The following DPP6 variants were observed in gnomAD, a reference collection of about 807,000 sequenced individuals.
DPP6 encodes dipeptidyl peptidase like 6.
A neutral mutation model predicts 122.6 loss-of-function variants in DPP6; 69 were observed. That is an observed-to-expected ratio of 0.56 (90% CI 0.46 to 0.69). The LOEUF (loss-of-function observed/expected upper bound fraction) is 0.69, where lower values mean the gene tolerates loss of function less well. Among genes scored for constraint, DPP6 ranks in the 30% least tolerant of loss-of-function variants. The pLI is 0.00. For missense variants in DPP6, 928 were observed against 1,116.9 expected (o/e 0.83, Z 2.41); for synonymous variants, 418 against 433.1 (o/e 0.97, Z 0.43).
intron 1 of DPP6, among the ~76,000 whole-genome samples, chr7:154,047,177 A>C (rs2129059887): frequency 6.6e-6 from 1 of 151,140 alleles, no homozygotes; most frequent in South Asian, 2.1e-4. Flanking sequence ...GGCTGACCAT[A>C]CCGCAAGCAG....
At chr7:153,988,624 G>A (rs1796966218) in intron 1 of DPP6, among the ~76,000 whole-genome samples, 1 of 152,350 alleles carries the variant, frequency 6.6e-6, no homozygotes, top group South Asian at 2.1e-4. Context: ...TCCCACTGAG[G>A]AAGCTCAGAG....
At chr7:154,340,100 G>T (rs1809795273) in intron 1 of DPP6, among the ~76,000 whole-genome samples, 2 of 152,012 alleles carry the variant, frequency 1.3e-5, no homozygotes, top group African/African-American at 4.8e-5. Flanking sequence ...TAATGTGGTT[G>T]ACCATTAGAA....
At chr7:154,176,183 T>G (rs1448416271) in intron 1 of DPP6, among the ~76,000 whole-genome samples, 7 of 152,206 alleles carry the variant, frequency 4.6e-5, no homozygotes, top group Middle Eastern at 6.3e-3. Flanking sequence ...GGATTCTGAG[T>G]CCCTGCTCCT....
chr7:154,214,886 G>T (rs1436274988), intron 1 of DPP6, among the ~76,000 whole-genome samples: 1 of 152,204 alleles, frequency 6.6e-6, no homozygotes, highest in African/African-American at 2.4e-5. Flanking sequence ...CTGCTGCACT[G>T]TAGCCTGGGT....
intron 1 of DPP6, among the ~76,000 whole-genome samples, chr7:154,040,208 G>A (rs1434005592): frequency 4.3e-5 from 6 of 141,098 alleles, no homozygotes; most frequent in Non-Finnish European, 8.9e-5. Context: ...CAAAGATAGA[G>A]GTGCTATCAC....
Position 154,536,614 on chromosome 7 carries a change from C to T in DPP6, c.458-3918C>T, listed in dbSNP as rs1011103554. Among the ~76,000 whole-genome samples the T allele has an allele frequency of 5.9e-5, 9 of 152,152 alleles. No individual in the cohort carries two copies. The East Asian group carries it at 1.7e-3, about 29-fold the overall frequency. On this transcript the variant is annotated intron_variant, in intron 3 of 25. Coordinates refer to ENST00000377770, the MANE Select transcript of DPP6 (RefSeq NM_130797.4). ...GGCTGAATCTGACACATATAATAAACAGCAAAATCCTAAGGAACACCAAAC... is the reference window on the plus strand; with the variant it reads ...GGCTGAATCTGACACATATAATAAATAGCAAAATCCTAAGGAACACCAAAC...
At chr7:154,156,990 G>T (rs1796716163) in intron 1 of DPP6, among the ~76,000 whole-genome samples, 2 of 152,266 alleles carry the variant, frequency 1.3e-5, no homozygotes, top group Admixed American at 1.3e-4. Context: ...GGGAAGAACA[G>T]GTTAGCTTTA....
chr7:153,892,209 A>G (rs539065171), intron 1 of DPP6, among the ~76,000 whole-genome samples: 65 of 152,364 alleles, frequency 4.3e-4, no homozygotes, highest in African/African-American at 1.6e-3. Context: ...ATAAAGCAGA[A>G]TGGCATTCCA....
At chr7:153,862,110 G>A in the DPP6 span, among the ~76,000 whole-genome samples, 4 of 152,214 alleles carry the variant, frequency 2.6e-5, no homozygotes, top group African/African-American at 9.7e-5. Context: ...GAGGCAACAT[G>A]TGGCTCCATT....
intron 1 of DPP6, among the ~76,000 whole-genome samples, chr7:154,311,564 G>A (rs1246698184): frequency 6.6e-6 from 1 of 152,082 alleles, no homozygotes; most frequent in Non-Finnish European, 1.5e-5. Flanking sequence ...CTGTTTGTTG[G>A]TGCAATTCTG....
intron 1 of DPP6, among the ~76,000 whole-genome samples, chr7:154,174,843 A>G (rs774601368): frequency 3.4e-5 from 5 of 149,040 alleles, no homozygotes; most frequent in Non-Finnish European, 7.4e-5. Context: ...TTATCTCATC[A>G]TAATTTCTTC....
chr7:153,798,536 G>A, the DPP6 span, among the ~76,000 whole-genome samples: 3 of 152,098 alleles, frequency 2.0e-5, no homozygotes, highest in African/African-American at 7.2e-5. Flanking sequence ...GGGATGTGGA[G>A]GACCCCTAAG....
At chr7:154,258,558 G>A (rs1802806488) in intron 1 of DPP6, among the ~76,000 whole-genome samples, 2 of 152,120 alleles carry the variant, frequency 1.3e-5, no homozygotes, top group African/African-American at 4.8e-5. Flanking sequence ...ACAACCAATA[G>A]CAAAAGCAAC....
chr7:153,927,937 A>G (rs1280001295), intron 1 of DPP6, among the ~76,000 whole-genome samples: 2 of 152,188 alleles, frequency 1.3e-5, no homozygotes, highest in Non-Finnish European at 2.9e-5. Context: ...AATTGCCAAA[A>G]GAATAGCTTC....
At chr7:154,296,192 C>A (rs957032939) in intron 1 of DPP6, among the ~76,000 whole-genome samples, 1 of 152,156 alleles carries the variant, frequency 6.6e-6, no homozygotes, top group East Asian at 2.0e-4. Flanking sequence ...GATCCGCCTG[C>A]CTCGGCCTCG....
intron 3 of DPP6, among the ~76,000 whole-genome samples, chr7:154,531,152 C>G (rs867155456): frequency 2.0e-5 from 3 of 152,124 alleles, no homozygotes; most frequent in South Asian, 4.1e-4. Flanking sequence ...TGTAACAAAC[C>G]TGCACATCCT....
At chr7:154,515,166 G>A (rs1826388045) in intron 3 of DPP6, among the ~76,000 whole-genome samples, 1 of 152,188 alleles carries the variant, frequency 6.6e-6, no homozygotes, top group South Asian at 2.1e-4. Flanking sequence ...ACTACATTCT[G>A]TGGAAGTGGC....
chr7:153,943,337 T>C (rs1268120822), intron 1 of DPP6, among the ~76,000 whole-genome samples: 1 of 152,304 alleles, frequency 6.6e-6, no homozygotes, highest in Admixed American at 6.5e-5. Flanking sequence ...CAAAATGTAT[T>C]ATATGTCCGA....
At chr7:154,829,431 GGAGGA>G (rs1314269294) in intron 16 of DPP6, among the ~76,000 whole-genome samples, 3 of 133,666 alleles carry the variant, frequency 2.2e-5, no homozygotes, top group African/African-American at 8.4e-5. Flanking sequence ...GAGGAGGAGA[GGAGGA>G]GAGGGGAGGG....
Sources: allele counts gnomAD v4.1 joint callset (sites outside exome capture counted in the v4.1 genomes callset), GRCh38; gene constraint gnomAD v4.1.1; transcripts MANE v1.5; gene names NCBI Gene and HGNC (gene_info 2026-07-23, HGNC 2026-07-21).